LINGO2: variants seen among roughly 807,000 people sequenced by gnomAD.
The protein encoded by LINGO2 is leucine-rich repeat and immunoglobulin-like domain-containing nogo receptor-interacting protein 2.
A neutral mutation model predicts 30.6 loss-of-function variants in LINGO2; 14 were observed. The ratio of observed to expected loss-of-function variants is 0.46; its 90% CI spans 0.30 to 0.72. LINGO2 has a LOEUF of 0.72. LINGO2 is among the 30% of genes least tolerant of loss of function. The probability of loss-of-function intolerance (pLI) is 0.07; values close to 1 mark genes in which losing one functional copy is unlikely to be tolerated. For synonymous variants in LINGO2, 317 were observed against 288.5 expected, an observed-to-expected ratio of 1.10 and a Z score of -1.00; for missense variants, 729 against 751.7, an observed-to-expected ratio of 0.97 and a Z score of 0.35.
the LINGO2 span, among the ~76,000 whole-genome samples, chr9:28,691,422 A>C: frequency 6.6e-6 from 1 of 152,158 alleles, no homozygotes; most frequent in Non-Finnish European, 1.5e-5. Flanking sequence ...CAGTGAATGC[A>C]CTTGGGGGCA....
At chr9:28,357,587 G>C (rs1001911862) in intron 3 of LINGO2, among the ~76,000 whole-genome samples, 2 of 151,822 alleles carry the variant, frequency 1.3e-5, no homozygotes, top group African/African-American at 4.8e-5. Context: ...CAAGAATTGG[G>C]GTATAGATAG....
At chr9:28,347,512 C>A (rs1819637728) in intron 3 of LINGO2, among the ~76,000 whole-genome samples, 1 of 152,136 alleles carries the variant, frequency 6.6e-6, no homozygotes, top group African/African-American at 2.4e-5. Flanking sequence ...ATTTATCCAT[C>A]CACCCATCCA....
chr9:28,721,422 A>G, the LINGO2 span, among the ~76,000 whole-genome samples: 3 of 152,170 alleles, frequency 2.0e-5, no homozygotes, highest in Admixed American at 6.6e-5. Context: ...ATGCCCATCA[A>G]TGATAGACTG....
the LINGO2 span, among the ~76,000 whole-genome samples, chr9:29,043,441 G>C: frequency 1.3e-5 from 2 of 151,960 alleles, no homozygotes; most frequent in African/African-American, 4.8e-5. Flanking sequence ...CGAAAAAGCT[G>C]AGTCAGTCAC....
chr9:28,444,167 C>G (rs929513192), intron 2 of LINGO2, among the ~76,000 whole-genome samples: 1 of 152,136 alleles, frequency 6.6e-6, no homozygotes, highest in South Asian at 2.1e-4. Flanking sequence ...ATATGGGACA[C>G]GAACTCAGGA....
chr9:29,063,556 G>A, the LINGO2 span, among the ~76,000 whole-genome samples: 1 of 151,858 alleles, frequency 6.6e-6, no homozygotes, highest in Non-Finnish European at 1.5e-5. Context: ...CTGCCACCAT[G>A]CCCGGCGAAT....
rs552255133 is a variant in LINGO2, at chr9:28,510,451, A to G, written c.-364-34426T>C. Among the ~76,000 whole-genome samples, 267 of 152,290 alleles carry G rather than the reference A, an allele frequency of 1.8e-3. 3 individuals carry two copies. Among genetic ancestry groups the G allele is most frequent in the African/African-American group, 6.2e-3 (259 of 41,568 alleles). On this transcript the variant is annotated intron_variant, in intron 1 of 5. Coordinates refer to ENST00000379992, the Ensembl canonical transcript of LINGO2. ...TGCATTTACTATTCATTAAGTAAAA[A>G]TGAATGATGATAAAGGTCTTCATCT...
At chr9:28,835,299 G>A in the LINGO2 span, among the ~76,000 whole-genome samples, 1 of 152,188 alleles carries the variant, frequency 6.6e-6, no homozygotes, top group Non-Finnish European at 1.5e-5. Context: ...TTTCTGAAAA[G>A]TTTCTCTGGA....
chr9:28,039,593 G>A (rs1824105487), intron 4 of LINGO2, among the ~76,000 whole-genome samples: 2 of 151,908 alleles, frequency 1.3e-5, no homozygotes, highest in African/African-American at 4.8e-5. Flanking sequence ...TAAGTCTTTT[G>A]GACTCTGTAT....
chr9:28,386,825 G>C (rs946506954), intron 2 of LINGO2, among the ~76,000 whole-genome samples: 1 of 152,098 alleles, frequency 6.6e-6, no homozygotes, highest in Non-Finnish European at 1.5e-5. Flanking sequence ...AACAAAAAAG[G>C]AAACATGAAA....
chr9:28,869,938 A>G, the LINGO2 span, among the ~76,000 whole-genome samples: 1 of 151,956 alleles, frequency 6.6e-6, no homozygotes, highest in Admixed American at 6.6e-5. Flanking sequence ...AAAGGAAAGG[A>G]CACATCAGTC....
chr9:28,742,522 CA>C, the LINGO2 span, among the ~76,000 whole-genome samples: 1 of 151,634 alleles, frequency 6.6e-6, no homozygotes, highest in Non-Finnish European at 1.5e-5. Context: ...AAATTTACTT[CA>C]AGTTTATATT....
At chr9:28,973,604 T>C in the LINGO2 span, among the ~76,000 whole-genome samples, 1 of 152,192 alleles carries the variant, frequency 6.6e-6, no homozygotes, top group Non-Finnish European at 1.5e-5. Context: ...GCTCCCCCTT[T>C]GCTTCTGCCA....
intron 4 of LINGO2, among the ~76,000 whole-genome samples, chr9:28,017,648 A>G (rs926961482): frequency 1.3e-5 from 2 of 152,286 alleles, no homozygotes; most frequent in South Asian, 4.1e-4. Context: ...GAATACAGCT[A>G]ATCAGGGAGG....
chr9:28,913,069 T>G, the LINGO2 span, among the ~76,000 whole-genome samples: 1 of 152,156 alleles, frequency 6.6e-6, no homozygotes. Context: ...CTGTACAGTT[T>G]ACACTCAGTT....
At chr9:28,498,089 A>T (rs919197450) in intron 1 of LINGO2, among the ~76,000 whole-genome samples, 1 of 152,050 alleles carries the variant, frequency 6.6e-6, no homozygotes. Context: ...CCTCCCAGTT[A>T]GGTTACTTGG....
At chr9:28,694,625 A>G in the LINGO2 span, among the ~76,000 whole-genome samples, 1 of 152,006 alleles carries the variant, frequency 6.6e-6, no homozygotes, top group Non-Finnish European at 1.5e-5. Context: ...CCAATTTTTC[A>G]TATTAGGAAT....
At chr9:28,027,950 A>C (rs960151215) in intron 4 of LINGO2, among the ~76,000 whole-genome samples, 2 of 152,136 alleles carry the variant, frequency 1.3e-5, no homozygotes, top group African/African-American at 4.8e-5. Flanking sequence ...GCCATATCCA[A>C]TTAAAGAGGA....
rs367549779 is a variant in LINGO2, at chr9:28,649,324, C to T, written c.-365+20876G>A. Among the ~76,000 whole-genome samples, 3 of 134,974 alleles carry T rather than the reference C, an allele frequency of 2.2e-5. No individual in the cohort carries two copies. In the East Asian group the frequency reaches 6.5e-4, roughly 29 times the overall value. 88.5% of individuals were successfully genotyped at this position (134,974 alleles called of 152,430 possible). ...ATAGTACATAATGACAAGCATGTCT[C>T]AACAATGTTGCTCCCACTCAAACTA... is the stretch of plus-strand genomic sequence containing the variant. On this transcript the variant is annotated intron_variant, in intron 1 of 5. Coordinates refer to ENST00000379992, the Ensembl canonical transcript of LINGO2.
Sources: gnomAD v4.1 joint callset for allele counts (sites outside exome capture counted in the v4.1 genomes callset) on GRCh38, gnomAD v4.1.1 for gene constraint, MANE v1.5 for transcripts, NCBI Gene and HGNC (gene_info 2026-07-23, HGNC 2026-07-21) for gene names.